The following SPTBN2 variants were observed in gnomAD, a reference collection of about 807,000 sequenced individuals.
SPTBN2 encodes spectrin beta, non-erythrocytic 2.
In SPTBN2, 107 loss-of-function variants were observed where a neutral mutation model predicts 284.2. The ratio of observed to expected loss-of-function variants is 0.38; its 90% CI spans 0.32 to 0.44. The LOEUF (loss-of-function observed/expected upper bound fraction) is 0.44, where lower values mean the gene tolerates loss of function less well. Ranked by LOEUF, SPTBN2 falls within the 20% of genes least tolerant of loss-of-function variation. The probability of loss-of-function intolerance (pLI) is 1.00; values close to 1 mark genes in which losing one functional copy is unlikely to be tolerated. For missense variants in SPTBN2, 2,569 were observed against 3,287.1 expected (o/e 0.78, Z 5.34); for synonymous variants, 1,289 against 1,354.8 (o/e 0.95, Z 1.07).
intron 27 of SPTBN2, 146 bp from the exon 28 acceptor site, chr11:66,690,429 A>G: frequency 8.6e-7 from 1 of 1,160,988 alleles, no homozygotes; most frequent in Non-Finnish European, 1.2e-6. Flanking sequence ...GTGCTGGGAA[A>G]GATGAAGGCA....
chr11:66,684,036 C>T lies in SPTBN2; in HGVS notation c.*1835G>A, dbSNP rs1349869499. On this transcript the variant is annotated 3_prime_UTR_variant, in exon 38 of 38. Coordinates refer to ENST00000533211, the MANE Select transcript of SPTBN2 (RefSeq NM_006946.4). Reference sequence around the variant, plus strand: ...TTATCCTGCAGGCTCTCTGGTCTACCGGTTTGGAGCCCACTCTGGGGCTGT... The same window carrying T: ...TTATCCTGCAGGCTCTCTGGTCTACTGGTTTGGAGCCCACTCTGGGGCTGT... Among the ~76,000 whole-genome samples the T allele has an allele frequency of 6.6e-6, 1 of 152,216 alleles. No individual in the cohort carries two copies. Among genetic ancestry groups the T allele is most frequent in the African/African-American group, 2.4e-5 (1 of 41,452 alleles).
At position 66,700,902 on chromosome 11, in the gene SPTBN2, C is replaced by T. The variant is rs527626787; in HGVS notation, c.3197G>A (p.Arg1066Gln). 18 of 1,600,684 alleles carry T rather than the reference C, an allele frequency of 1.1e-5. No individual in the cohort carries two copies. Among genetic ancestry groups the T allele is most frequent in the African/African-American group, 2.7e-5 (2 of 75,054 alleles). Reference protein sequence around the residue: ...RREESLGEARRLQDFLRSLDD... With the variant: ...RREESLGEARQLQDFLRSLDD... ...CAAGCTGCGCAAGAAGTCCTGCAGCCGCCGCGCCTCCCCCAGCGACTCTTC... is the reference window on the plus strand; with the variant it reads ...CAAGCTGCGCAAGAAGTCCTGCAGCTGCCGCGCCTCCCCCAGCGACTCTTC... The change falls in exon 17 of 38, where the codon CGG becomes CAG. Residue 1066 changes from arginine to glutamine, a missense_variant. Coordinates refer to ENST00000533211, the MANE Select transcript of SPTBN2 (RefSeq NM_006946.4). The surrounding 1 kb of genome is among the most constrained non-coding windows in gnomAD (Gnocchi z 6.6).
chr11:66,704,453 C>T, intron 15 of SPTBN2, 145 bp downstream of exon 15: 1 of 1,013,520 alleles, frequency 9.9e-7, no homozygotes, highest in South Asian at 1.7e-5. Flanking sequence ...GTATGGTTAA[C>T]ATTTTTTGTT....
At position 66,693,475 on chromosome 11, in the gene SPTBN2, T is replaced by C. The variant is rs367921145; in HGVS notation, c.4594-29A>G. 4.4e-6 allele frequency: 7 copies of C among 1,588,094 alleles called. No homozygotes were observed. Among genetic ancestry groups the C allele is most frequent in the Admixed American group, 1.7e-5 (1 of 58,194 alleles). On this transcript the variant is annotated intron_variant, in intron 23 of 37. Transcript: ENST00000533211. This position sits in a 1 kb window ranked among gnomAD's most constrained non-coding sequence, Gnocchi z 5.7. Reference sequence around the variant, plus strand: ...CCCATGGCCACAGAAGAGAAAATGCTGAAAGTCCTGCCCCAGCCCCACGTG... The same window carrying C: ...CCCATGGCCACAGAAGAGAAAATGCCGAAAGTCCTGCCCCAGCCCCACGTG...
At chr11:66,719,912 C>A (rs1942315927) in intron 3 of SPTBN2, among the ~76,000 whole-genome samples, 1 of 152,110 alleles carries the variant, frequency 6.6e-6, no homozygotes, top group Admixed American at 6.5e-5. Context: ...TCACAGCCGG[C>A]CTGAAGACCC....
chr11:66,720,452 C>T (rs1942342995), intron 3 of SPTBN2, among the ~76,000 whole-genome samples: 1 of 152,158 alleles, frequency 6.6e-6, no homozygotes, highest in South Asian at 2.1e-4. Context: ...ACAGGGAGGC[C>T]GTTGGACGAG....
At chr11:66,695,622 T>C (rs1446544725) in intron 21 of SPTBN2, among the ~76,000 whole-genome samples, 1 of 152,172 alleles carries the variant, frequency 6.6e-6, no homozygotes, top group African/African-American at 2.4e-5. Context: ...GTTGAAGGGC[T>C]GTGACATAGA....
At chr11:66,709,302 C>T (rs1177654137) in intron 10 of SPTBN2, among the ~76,000 whole-genome samples, 3 of 152,096 alleles carry the variant, frequency 2.0e-5, no homozygotes, top group Non-Finnish European at 4.4e-5. Flanking sequence ...CTCAGCCTCC[C>T]GAGTAGCTGG....
chr11:66,684,792 CT>C lies in SPTBN2; in HGVS notation c.*1078del, dbSNP rs1940004357. On this transcript the variant is annotated 3_prime_UTR_variant, in exon 38 of 38. Transcript: ENST00000533211. ...AGATCCCTGTCTGAGGTCCCTTGAT[CT>C]ACTGGAGAGCAGACGGCAAGTGGGG... is the stretch of plus-strand genomic sequence containing the variant. Among the ~76,000 whole-genome samples, 1 of 152,130 alleles carries C rather than the reference CT, an allele frequency of 6.6e-6. No homozygotes were observed. The highest frequency in any genetic ancestry group is 1.5e-5 in the Non-Finnish European group (1 of 68,038).
chr11:66,723,205 A>T (rs1455971336), intron 1 of SPTBN2, among the ~76,000 whole-genome samples: 2 of 137,392 alleles, frequency 1.5e-5, no homozygotes, highest in African/African-American at 2.7e-5. Context: ...TGCTGGGGAT[A>T]AAAAAAAAAA....
Position 66,687,538 on chromosome 11 carries a change from TG to T in SPTBN2, c.6610del (p.His2204MetfsTer113). 1 of 1,612,248 alleles carries T rather than the reference TG, an allele frequency of 6.2e-7. No individual in the cohort carries two copies. The highest frequency in any genetic ancestry group is 8.5e-7 in the Non-Finnish European group (1 of 1,179,972). On this transcript the variant is annotated frameshift_variant, in exon 35 of 38. Coordinates refer to ENST00000533211, the MANE Select transcript of SPTBN2 (RefSeq NM_006946.4). LOFTEE classifies it high-confidence loss of function. The surrounding 1 kb of genome is among the most constrained non-coding windows in gnomAD (Gnocchi z 5.2). ...MPQSRSTESA[H>X]AATLPPRGPE... Reference sequence around the variant, plus strand: ...GCCTCGAGGCGGCAGGGTGGCAGCATGGGCTGACTCGGTAGACCTGCTCTGG... The same window carrying T: ...GCCTCGAGGCGGCAGGGTGGCAGCATGGCTGACTCGGTAGACCTGCTCTGG...
intron 1 of SPTBN2, among the ~76,000 whole-genome samples, chr11:66,739,764 C>T (rs1263667338): frequency 2.0e-5 from 3 of 152,242 alleles, no homozygotes; most frequent in Admixed American, 1.3e-4. Context: ...CGCAGTGGCT[C>T]ACGCCTGTAA....
At chr11:66,735,467 T>C (rs746077481) in intron 1 of SPTBN2, among the ~76,000 whole-genome samples, 1 of 152,166 alleles carries the variant, frequency 6.6e-6, no homozygotes, top group Non-Finnish European at 1.5e-5. Flanking sequence ...CCTAGCACTT[T>C]GGGAGGCTGA....
chr11:66,699,035 C>T lies in SPTBN2; in HGVS notation c.3824G>A (p.Arg1275Gln), dbSNP rs534938954. ...GAAATGCTGCTGCTCCCGGTTGTCC[C>T]GAAGACGGCCCAGAAATTGCTGCGC... ...DAAQQFLGRLRDNREQQHFLQ... is the reference protein window; with the variant it reads ...DAAQQFLGRLQDNREQQHFLQ... The change falls in exon 19 of 38, where the codon CGG becomes CAG. Residue 1275 changes from arginine (R) to glutamine (Q), a missense_variant. Transcript: ENST00000533211. 5.4e-5 allele frequency: 87 copies of T among 1,614,066 alleles called. No homozygotes were observed. Among genetic ancestry groups the T allele is most frequent in the Non-Finnish European group, 7.1e-5 (84 of 1,180,046 alleles).
Position 66,715,842 on chromosome 11 carries a change from C to A in SPTBN2, c.297G>T (p.Ser99=). ...GACCACAGCTCACCAGTATCTCTCCCGAGAGCACCTCGAGGAGCCTCAGCA... is the reference window on the plus strand; with the variant it reads ...GACCACAGCTCACCAGTATCTCTCCAGAGAGCACCTCGAGGAGCCTCAGCA... ...RNLLRLLEVL[S]GEILPKPTKG... The change falls in exon 4 of 38, where the codon TCG becomes TCT. Residue 99 remains serine, a synonymous_variant. Coordinates refer to ENST00000533211, the MANE Select transcript of SPTBN2 (RefSeq NM_006946.4). The surrounding 1 kb of genome is among the most constrained non-coding windows in gnomAD (Gnocchi z 5.3). 1.2e-6 allele frequency: 2 copies of A among 1,613,926 alleles called. No individual in the cohort carries two copies. Among genetic ancestry groups the A allele is most frequent in the Admixed American group, 1.7e-5 (1 of 59,986 alleles).
In SPTBN2 at chr11:66,708,378, A is replaced by G. The variant is rs904751574; in HGVS notation, c.1192-79T>C. The G allele has an allele frequency of 1.1e-5, 15 of 1,400,090 alleles. No individual in the cohort carries two copies. Among genetic ancestry groups the G allele is most frequent in the Non-Finnish European group, 1.1e-5 (12 of 1,048,148 alleles). The allele number at this position is 1,400,090 out of a possible 1,614,324, so 86.7% of individuals were successfully genotyped here. A position where few individuals can be genotyped will look rare whatever the true frequency, so the allele number is the denominator to read the frequency against. ...GGGCTGGAGGCACATGGTAAGTCCCATGGAAGCTCGGTCTGGTGGATCCGT... is the reference window on the plus strand; with the variant it reads ...GGGCTGGAGGCACATGGTAAGTCCCGTGGAAGCTCGGTCTGGTGGATCCGT... On this transcript the variant is annotated intron_variant, in intron 11 of 37. Coordinates refer to ENST00000533211, the MANE Select transcript of SPTBN2 (RefSeq NM_006946.4). This position sits in a 1 kb window ranked among gnomAD's most constrained non-coding sequence, Gnocchi z 4.4.
At chr11:66,701,342 C>G in intron 16 of SPTBN2, 60 bp from the exon 17 acceptor site, 1 of 1,592,610 alleles carries the variant, frequency 6.3e-7, no homozygotes, top group South Asian at 1.1e-5. Context: ...GAAGCTTCTT[C>G]CCTGCTTCTC....
In SPTBN2 at chr11:66,699,084, TG is replaced by T. The variant is rs775673958; in HGVS notation, c.3777-3del. On this transcript the variant is annotated splice_polypyrimidine_tract_variant and splice_region_variant and intron_variant, in intron 18 of 37. Transcript: ENST00000533211. ...GCTGCGTCTTGATTCTTCTTGTGCC[TG>T]GAACGACACCCTCTTGTGAAACTCT... 1 of 1,614,212 alleles carries T rather than the reference TG, an allele frequency of 6.2e-7. No individual in the cohort carries two copies. Among genetic ancestry groups the T allele is most frequent in the Non-Finnish European group, 8.5e-7 (1 of 1,180,048 alleles).
chr11:66,739,850 G>C (rs532777720), intron 1 of SPTBN2, among the ~76,000 whole-genome samples: 18 of 152,258 alleles, frequency 1.2e-4, no homozygotes, highest in Admixed American at 3.9e-4. Flanking sequence ...TGGCCAACAT[G>C]GTGAAAGCCT....
Sources: gnomAD v4.1 joint callset for allele counts (sites outside exome capture counted in the v4.1 genomes callset) on GRCh38, gnomAD v4.1.1 for gene constraint, Gnocchi (gnomAD v3.1) non-coding constraint, MANE v1.5 for transcripts, NCBI Gene and HGNC (gene_info 2026-07-23, HGNC 2026-07-21) for gene names.